Variants in DACT3 observed in about 807,000 individuals in gnomAD.
The protein encoded by DACT3 is dishevelled binding antagonist of beta catenin 3, also known as dapper homolog 3.
A neutral mutation model predicts 19.6 loss-of-function variants in DACT3; 5 were observed. The observed-to-expected ratio is 0.26, with a 90% CI of 0.13 to 0.54. The LOEUF (loss-of-function observed/expected upper bound fraction) is 0.54, where lower values mean the gene tolerates loss of function less well. DACT3 is among the 20% of genes least tolerant of loss of function. The pLI, the probability that DACT3 is intolerant of heterozygous loss-of-function variation, is 0.95. For synonymous variants in DACT3, 454 were observed against 428.1 expected (o/e 1.06, Z -0.75); for missense variants, 908 against 927.4 (o/e 0.98, Z 0.27).
Position 46,649,249 on chromosome 19 carries a change from C to T in DACT3, c.1123G>A (p.Ala375Thr). The change falls in exon 4 of 4, where the codon GCC becomes ACC. Residue 375 changes from alanine to threonine, a missense_variant. Physicochemically the swap from Ala to Thr is moderately conservative, Grantham distance 58. Coordinates refer to ENST00000391916, the MANE Select transcript of DACT3 (RefSeq NM_145056.3). ...AATRGLPGRA[A>T]RRKPPPLTRG... ...GTCAGTGGCGGCGGTTTGCGGCGGG[C>T]GGCGCGGCCAGGGAGGCCTCGGGTG... The T allele has an allele frequency of 4.2e-6, 5 of 1,197,580 alleles. No individual in the cohort carries two copies. The highest frequency in any genetic ancestry group is 5.2e-6 in the Non-Finnish European group (5 of 968,500). The allele number at this position is 1,197,580 out of a possible 1,614,324, so 74.2% of individuals were successfully genotyped here. A position where few individuals can be genotyped will look rare whatever the true frequency, so the allele number is the denominator to read the frequency against.
chr19:46,650,395 T>G (rs1007844204), intron 3 of DACT3: 1 of 151,660 alleles, frequency 6.6e-6, no homozygotes, highest in Non-Finnish European at 1.5e-5. Flanking sequence ...GTGCTGGGAT[T>G]ACAGGTGTGA....
intron 1 of DACT3, chr19:46,654,727 G>A (rs2122467620): frequency 1.0e-6 from 1 of 985,450 alleles, no homozygotes; most frequent in South Asian, 4.7e-5. Flanking sequence ...CTGGACCGCA[G>A]GAGGGAGGGA....
chr19:46,649,522 T>C lies in DACT3; in HGVS notation c.850A>G (p.Ser284Gly). The stretch of plus-strand genomic sequence containing the variant: ...GCGTCGGGCGGCCGCTGGCGCACGC[T>C]GTTCTGGCGCCGCGGGCCGCCGTCC... ...GADGGPRRQN[S>G]VRQRPPDASP... The change falls in exon 4 of 4, where the codon AGC (serine) becomes GGC (glycine). Residue 284 changes from serine (S) to glycine (G), a missense_variant. Around this residue, in one of 2 missense-constraint regions of DACT3, gnomAD observed 656 missense variants for 601.8 expected, o/e 1.09. Transcript: ENST00000391916. 9.3e-7 allele frequency: 1 copy of C among 1,072,826 alleles called. No homozygotes were observed. Among genetic ancestry groups the C allele is most frequent in the Non-Finnish European group, 1.1e-6 (1 of 888,742 alleles). The allele number at this position is 1,072,826 out of a possible 1,614,324, so 66.5% of individuals were successfully genotyped here.
rs747459635 is a variant in DACT3, at chr19:46,652,958, T to C, written c.346+21A>G. 334 of 1,549,772 alleles carry C rather than the reference T, an allele frequency of 2.2e-4. 1 individual carries two copies. Among genetic ancestry groups the C allele is most frequent in the Non-Finnish European group, 2.1e-4 (246 of 1,146,930 alleles). ...ACATGGAGGCGTCCCAGGCAAACCCTACCCCTCCATCCATGCTCACCCGAG... is the reference window on the plus strand; with the variant it reads ...ACATGGAGGCGTCCCAGGCAAACCCCACCCCTCCATCCATGCTCACCCGAG... On this transcript the variant is annotated intron_variant, in intron 2 of 3. Coordinates refer to ENST00000391916, the MANE Select transcript of DACT3 (RefSeq NM_145056.3).
At position 46,652,687 on chromosome 19, in the gene DACT3, A is replaced by G; in HGVS notation, c.472T>C (p.Tyr158His). ...RLGPSEPRGIYASERPKSLGD... is the reference protein window; with the variant it reads ...RLGPSEPRGIHASERPKSLGD... ...AGGGACTTGGGCCTCTCACTGGCAT[A>G]GATGCCCCGGGGCTCAGAGGGACCC... The change falls in exon 3 of 4, where the codon TAT (tyrosine) becomes CAT (histidine). Residue 158 changes from tyrosine (Y) to histidine (H), a missense_variant. Tyr to His is a moderately conservative substitution (Grantham distance 83). Coordinates refer to ENST00000391916, the MANE Select transcript of DACT3 (RefSeq NM_145056.3). The G allele has an allele frequency of 6.4e-7, 1 of 1,551,398 alleles. No individual in the cohort carries two copies.
chr19:46,652,554 G>T, intron 3 of DACT3, 106 bp downstream of exon 3: 1 of 1,220,506 alleles, frequency 8.2e-7, no homozygotes, highest in Non-Finnish European at 1.1e-6. Flanking sequence ...AAAAGGAAAT[G>T]TCACAGCTGG....
Position 46,648,741 on chromosome 19 carries a change from C to T in DACT3, c.1631G>A (p.Gly544Asp), listed in dbSNP as rs759929125. The T allele has an allele frequency of 7.6e-6, 12 of 1,588,106 alleles. No individual in the cohort carries two copies. The highest frequency in any genetic ancestry group is 1.8e-5 in the Admixed American group (1 of 56,092). ...GGCGCTCGATTCGCTCTCCCCGTAA[C>T]CCCCGCCGACGCCTCCCGCAGGCCC... ...RRGPAGGVGG[G>D]YGESESSASE... The change falls in exon 4 of 4, where the codon GGT (glycine) becomes GAT (aspartate). Residue 544 changes from glycine (G) to aspartate (D), a missense_variant. This residue lies in a region of DACT3 where 656 missense variants were observed against 601.8 expected (regional missense o/e 1.09). Coordinates refer to ENST00000391916, the MANE Select transcript of DACT3 (RefSeq NM_145056.3). This position sits in a 1 kb window ranked among gnomAD's most constrained non-coding sequence, Gnocchi z 5.1.
At chr19:46,653,206 A>G (rs2053003863) in intron 1 of DACT3, 131 bp from the exon 2 acceptor site, 2 of 1,348,304 alleles carry the variant, frequency 1.5e-6, no homozygotes, top group Non-Finnish European at 2.0e-6. Context: ...TAAAAGCAGT[A>G]CCTCAGTCCC....
At chr19:46,659,748 C>T (rs574118092) in intron 1 of DACT3, among the ~76,000 whole-genome samples, 3 of 151,934 alleles carry the variant, frequency 2.0e-5, no homozygotes, top group South Asian at 2.1e-4. Flanking sequence ...ACGGGAAGCT[C>T]TGGCCACACA....
At chr19:46,652,337 G>C in intron 3 of DACT3, 1 of 387,368 alleles carries the variant, frequency 2.6e-6, no homozygotes, top group South Asian at 7.5e-5. Context: ...GGAATTACAG[G>C]TGTTCGCTAC....
At position 46,649,171 on chromosome 19, in the gene DACT3, C is replaced by T; in HGVS notation, c.1201G>A (p.Gly401Ser). The T allele has an allele frequency of 8.2e-7, 1 of 1,220,494 alleles. No homozygotes were observed. The highest frequency in any genetic ancestry group is 1.6e-5 in the African/African-American group (1 of 62,736). The allele number at this position is 1,220,494 out of a possible 1,614,324, so 75.6% of individuals were successfully genotyped here. The change falls in exon 4 of 4, where the codon GGC becomes AGC. Residue 401 changes from glycine to serine, a missense_variant. Physicochemically the swap from Gly to Ser is moderately conservative, Grantham distance 56. Around this residue, in one of 2 missense-constraint regions of DACT3, gnomAD observed 656 missense variants for 601.8 expected, o/e 1.09. Transcript: ENST00000391916. ...SPPRERPRAA[G>S]RRGRMAEASG... ...GCCTCGGCCATGCGTCCACGGCGGC[C>T]GGCGGCCCGGGGACGCTCCCGGGGT...
chr19:46,659,062 G>T (rs1008127481), intron 1 of DACT3: 1 of 982,188 alleles, frequency 1.0e-6, no homozygotes, highest in African/African-American at 1.8e-5. Flanking sequence ...GGGGTGGGGG[G>T]ATAAGTCATA....
chr19:46,650,919 A>C (rs189139351), intron 3 of DACT3: 203 of 152,154 alleles, frequency 1.3e-3, no homozygotes, highest in African/African-American at 4.7e-3. Context: ...AGCCCTCCCC[A>C]GCCATATTTT....
Position 46,647,717 on chromosome 19 carries a change from T to A in DACT3, c.*765A>T, listed in dbSNP as rs1433073556. Reference sequence around the variant, plus strand: ...ATCGTCATAATAAATACAGTAATTTTAAAAAAGAAAAAAAATACTAGATTG... The same window carrying A: ...ATCGTCATAATAAATACAGTAATTTAAAAAAAGAAAAAAAATACTAGATTG... On this transcript the variant is annotated 3_prime_UTR_variant, in exon 4 of 4. Coordinates refer to ENST00000391916, the MANE Select transcript of DACT3 (RefSeq NM_145056.3). The A allele has an allele frequency of 6.6e-6, 1 of 152,348 alleles. No individual in the cohort carries two copies. Among genetic ancestry groups the A allele is most frequent in the Non-Finnish European group, 1.5e-5 (1 of 67,982 alleles). The allele number at this position is 152,348 out of a possible 1,614,324, so 9.4% of individuals were successfully genotyped here. A position where few individuals can be genotyped will look rare whatever the true frequency, so the allele number is the denominator to read the frequency against.
At chr19:46,657,404 A>G (rs187533816) in intron 1 of DACT3, among the ~76,000 whole-genome samples, 3,921 of 122,270 alleles carry the variant, frequency 0.032, 162 homozygotes, top group African/African-American at 0.12. Context: ...CCCAGGCTGG[A>G]GTGCAGTGGC....
chr19:46,655,925 C>CTCTATATA (rs980735397), intron 1 of DACT3, among the ~76,000 whole-genome samples: 114 of 137,922 alleles, frequency 8.3e-4, no homozygotes, highest in African/African-American at 2.7e-3. Flanking sequence ...CTCTCTCTCT[C>CTCTATATA]TATATATATA....
chr19:46,657,346 C>CT (rs71177239), intron 1 of DACT3, among the ~76,000 whole-genome samples: 2,414 of 69,380 alleles, frequency 0.035, 96 homozygotes, highest in African/African-American at 0.071. Context: ...AAATGAGTTT[C>CT]TTTTTTTTTT....
chr19:46,659,213 T>C (rs2053055148), intron 1 of DACT3: 3 of 984,802 alleles, frequency 3.0e-6, no homozygotes, highest in Non-Finnish European at 3.6e-6. Context: ...TCCCTGATGC[T>C]GGGACAAGCT....
At position 46,649,713 on chromosome 19, in the gene DACT3, G is replaced by A; in HGVS notation, c.659C>T (p.Pro220Leu). ...ARAGPFLTPS[P>L]LHAVAMRSPR... is the part of the protein sequence containing the mutation. Reference sequence around the variant, plus strand: ...GCTGCGCATCGCCACGGCGTGCAGGGGGCTGGGCGTCAGAAAGGGCCCGGC... The same window carrying A: ...GCTGCGCATCGCCACGGCGTGCAGGAGGCTGGGCGTCAGAAAGGGCCCGGC... The change falls in exon 4 of 4, where the codon CCC becomes CTC. Residue 220 changes from proline (P) to leucine (L), a missense_variant. Pro to Leu is a moderately conservative substitution (Grantham distance 98). Around this residue, in one of 2 missense-constraint regions of DACT3, gnomAD observed 252 missense variants for 325.6 expected, o/e 0.77. Coordinates refer to ENST00000391916, the MANE Select transcript of DACT3 (RefSeq NM_145056.3). 1 of 1,231,094 alleles carries A rather than the reference G, an allele frequency of 8.1e-7. No individual in the cohort carries two copies. The highest frequency in any genetic ancestry group is 3.2e-4 in the Middle Eastern group (1 of 3,118). The allele number at this position is 1,231,094 out of a possible 1,614,324, so 76.3% of individuals were successfully genotyped here. A position where few individuals can be genotyped will look rare whatever the true frequency, so the allele number is the denominator to read the frequency against.
Sources: allele counts gnomAD v4.1 joint callset (sites outside exome capture counted in the v4.1 genomes callset), GRCh38; gene constraint gnomAD v4.1.1; regional missense constraint gnomAD v4.1.1; non-coding constraint Gnocchi (gnomAD v3.1); transcripts MANE v1.5; gene names NCBI Gene and HGNC (gene_info 2026-07-23, HGNC 2026-07-21).